RPS6KA2: variants seen among roughly 807,000 people sequenced by gnomAD.
RPS6KA2 encodes ribosomal protein S6 kinase A2, also known as ribosomal protein S6 kinase alpha-2.
In RPS6KA2, 42 loss-of-function variants were observed where a neutral mutation model predicts 91.8. That is an observed-to-expected ratio of 0.46 (90% CI 0.36 to 0.59). The LOEUF is 0.59. RPS6KA2 is among the 20% of genes least tolerant of loss of function. RPS6KA2 has a pLI of 0.00. For missense variants in RPS6KA2, 798 were observed against 978.5 expected, an observed-to-expected ratio of 0.82 and a Z score of 2.46; for synonymous variants, 414 against 393.6, an observed-to-expected ratio of 1.05 and a Z score of -0.61.
Position 166,419,759 on chromosome 6 carries a change from T to C in RPS6KA2, c.1820+123A>G. 1.3e-6 allele frequency: 1 copy of C among 755,766 alleles called. No individual in the cohort carries two copies. Among genetic ancestry groups the C allele is most frequent in the Non-Finnish European group, 2.3e-6 (1 of 435,520 alleles). The allele number at this position is 755,766 out of a possible 1,614,324, so 46.8% of individuals were successfully genotyped here. The stretch of plus-strand genomic sequence containing the variant: ...CACTCAAGGCCTGGGAGTGTTTGCA[T>C]ACACGTTGGGTTTGCCCACATGCGC... On this transcript the variant is annotated intron_variant, in intron 18 of 20. Coordinates refer to ENST00000265678, the MANE Select transcript of RPS6KA2 (RefSeq NM_021135.6). The surrounding 1 kb of genome is among the most constrained non-coding windows in gnomAD (Gnocchi z 5.6).
Position 166,592,828 on chromosome 6 carries a change from ATCCTAATTATAT to A in RPS6KA2, c.99+34081_99+34092del, listed in dbSNP as rs201988195. ...GGGAAACAGATCATGCCAGCGATCT[ATCCTAATTATAT>A]TCCTAATTATATTCCTTATGAATCA... On this transcript the variant is annotated intron_variant, in intron 1 of 20. Transcript: ENST00000265678. Among the ~76,000 whole-genome samples, 513 of 152,354 alleles carry A rather than the reference ATCCTAATTATAT, an allele frequency of 3.4e-3. 3 individuals carry two copies. The highest frequency in any genetic ancestry group is 0.019 in the East Asian group (98 of 5,190).
chr6:166,451,424 G>T (rs141832476), intron 12 of RPS6KA2, among the ~76,000 whole-genome samples, 191 bp from the exon 13 acceptor site: 432 of 150,728 alleles, frequency 2.9e-3, no homozygotes, highest in African/African-American at 0.01. Flanking sequence ...TGAACCAGAT[G>T]AAACTACATT....
intron 2 of RPS6KA2, among the ~76,000 whole-genome samples, chr6:166,697,439 G>A (rs745499014): frequency 1.2e-4 from 19 of 152,174 alleles, no homozygotes; most frequent in Non-Finnish European, 2.2e-4. Context: ...TCAGATCAAT[G>A]GTATATGAGG....
intron 1 of RPS6KA2, among the ~76,000 whole-genome samples, chr6:166,582,344 T>C (rs1156581428): frequency 1.3e-5 from 2 of 152,224 alleles, no homozygotes; most frequent in Non-Finnish European, 2.9e-5. Flanking sequence ...AGCCTTTTCA[T>C]TTGACCATGA....
chr6:166,594,017 C>A (rs1174419547), intron 1 of RPS6KA2, among the ~76,000 whole-genome samples: 1 of 152,110 alleles, frequency 6.6e-6, no homozygotes, highest in African/African-American at 2.4e-5. Flanking sequence ...AGTGCACGGA[C>A]AATTCTGTGT....
chr6:166,710,431 T>C (rs1245779005), intron 2 of RPS6KA2, among the ~76,000 whole-genome samples: 1 of 152,068 alleles, frequency 6.6e-6, no homozygotes, highest in African/African-American at 2.4e-5. Context: ...CACGAGTGTG[T>C]GTGTGTATGT....
At chr6:166,598,994 C>T (rs1785637973) in intron 1 of RPS6KA2, among the ~76,000 whole-genome samples, 2 of 152,190 alleles carry the variant, frequency 1.3e-5, no homozygotes, top group African/African-American at 4.8e-5. Flanking sequence ...TGCTGCTTGT[C>T]CAGGTCTGTA....
intron 2 of RPS6KA2, among the ~76,000 whole-genome samples, chr6:166,531,768 T>C (rs1156289036): frequency 6.6e-6 from 1 of 152,222 alleles, no homozygotes; most frequent in Non-Finnish European, 1.5e-5. Flanking sequence ...TCAACTGTCT[T>C]CACCCAAATT....
intron 2 of RPS6KA2, among the ~76,000 whole-genome samples, chr6:166,713,961 G>T (rs1357644619): frequency 6.6e-6 from 1 of 152,182 alleles, no homozygotes; most frequent in Non-Finnish European, 1.5e-5. Flanking sequence ...CCAAGTCCCA[G>T]TGCTTCATAC....
chr6:166,454,282 G>A (rs192888632), intron 12 of RPS6KA2, among the ~76,000 whole-genome samples: 76 of 152,250 alleles, frequency 5.0e-4, no homozygotes, highest in African/African-American at 1.6e-3. Context: ...GGCAGATCAC[G>A]AGGTCAGGAG....
At chr6:166,577,159 A>C (rs1367363483) in intron 1 of RPS6KA2, among the ~76,000 whole-genome samples, 1 of 152,238 alleles carries the variant, frequency 6.6e-6, no homozygotes, top group Non-Finnish European at 1.5e-5. Context: ...AAACGCCTGG[A>C]TGCCCAGGCA....
chr6:166,618,621 G>A (rs1786503261), intron 1 of RPS6KA2, among the ~76,000 whole-genome samples: 1 of 152,224 alleles, frequency 6.6e-6, no homozygotes, highest in African/African-American at 2.4e-5. Flanking sequence ...GGTGGAGATA[G>A]TAAAATGAAA....
intron 2 of RPS6KA2, among the ~76,000 whole-genome samples, chr6:166,808,147 C>G: frequency 6.6e-6 from 1 of 152,236 alleles, no homozygotes; most frequent in Middle Eastern, 3.2e-3. Context: ...GTGGTGCTCC[C>G]TGGACCGGGC....
intron 1 of RPS6KA2, chr6:166,544,823 T>C (rs1046491865): frequency 6.6e-6 from 1 of 152,192 alleles, no homozygotes. Context: ...GCTGCATTTG[T>C]CCAATCAATT....
At chr6:166,526,505 C>G (rs1783045546) in intron 3 of RPS6KA2, among the ~76,000 whole-genome samples, 1 of 151,960 alleles carries the variant, frequency 6.6e-6, no homozygotes, top group South Asian at 2.1e-4. Context: ...GCCACCATAC[C>G]CAGTTAATTT....
At chr6:166,425,392 C>G (rs1040569475) in intron 16 of RPS6KA2, among the ~76,000 whole-genome samples, 2 of 151,736 alleles carry the variant, frequency 1.3e-5, no homozygotes, top group Non-Finnish European at 2.9e-5. Flanking sequence ...ACCGCATCAA[C>G]TAATGAGCAA....
chr6:166,422,000 A>G (rs1351778240), intron 17 of RPS6KA2, among the ~76,000 whole-genome samples: 1 of 152,034 alleles, frequency 6.6e-6, no homozygotes, highest in Non-Finnish European at 1.5e-5. Context: ...CCCGGGTTCA[A>G]GCGATTCTCC....
intron 2 of RPS6KA2, among the ~76,000 whole-genome samples, chr6:166,794,365 G>T (rs1485044934): frequency 1.3e-5 from 2 of 152,182 alleles, no homozygotes; most frequent in African/African-American, 4.8e-5. Flanking sequence ...ACAGGTGCTG[G>T]AGAGGATGTG....
chr6:166,573,776 G>A (rs1784759096), intron 1 of RPS6KA2, among the ~76,000 whole-genome samples: 1 of 152,194 alleles, frequency 6.6e-6, no homozygotes, highest in African/African-American at 2.4e-5. Flanking sequence ...AACAGTCTGG[G>A]AACTTCCCAG....
Sources: allele counts gnomAD v4.1 joint callset (sites outside exome capture counted in the v4.1 genomes callset), GRCh38; gene constraint gnomAD v4.1.1; non-coding constraint Gnocchi (gnomAD v3.1); transcripts MANE v1.5; gene names NCBI Gene and HGNC (gene_info 2026-07-23, HGNC 2026-07-21).